PFKFB4: variants seen among roughly 807,000 people sequenced by gnomAD.
PFKFB4 encodes the protein 6-phosphofructo-2-kinase/fructose-2,6-biphosphatase 4, also known as 6-phosphofructo-2-kinase/fructose-2,6-bisphosphatase 4.
PFKFB4 carries 42 observed loss-of-function variants against 62.8 expected under a neutral mutation model. The observed-to-expected ratio is 0.67, with a 90% CI of 0.52 to 0.86. The LOEUF (loss-of-function observed/expected upper bound fraction) is 0.86. Among genes scored for constraint, PFKFB4 ranks in the 40% least tolerant of loss-of-function variants. The probability of loss-of-function intolerance (pLI) is 0.00; values close to 1 mark genes in which losing one functional copy is unlikely to be tolerated. For synonymous variants in PFKFB4, 204 were observed against 240.7 expected (o/e 0.85, Z 1.41); for missense variants, 475 against 627.2 (o/e 0.76, Z 2.59).
chr3:48,548,972 G>A (rs1484754677), intron 3 of PFKFB4, among the ~76,000 whole-genome samples: 2 of 152,266 alleles, frequency 1.3e-5, no homozygotes, highest in East Asian at 3.9e-4. Context: ...TGGCAGCCTG[G>A]TAGCCACTGG....
At chr3:48,532,055 C>T (rs2042444408) in intron 9 of PFKFB4, among the ~76,000 whole-genome samples, 1 of 152,184 alleles carries the variant, frequency 6.6e-6, no homozygotes. Flanking sequence ...GCCTGTAATC[C>T]CAGCACTCTG....
intron 3 of PFKFB4, 72 bp from the exon 4 acceptor site, chr3:48,543,718 A>G (rs564523491): frequency 3.6e-6 from 4 of 1,119,116 alleles, no homozygotes; most frequent in African/African-American, 3.0e-5. Flanking sequence ...GGGACACACA[A>G]CAGGAGGAGA....
At position 48,535,569 on chromosome 3, in the gene PFKFB4, C is replaced by T. The variant is rs368840572; in HGVS notation, c.930G>A (p.Thr310=). 9.3e-6 allele frequency: 15 copies of T among 1,614,110 alleles called. No individual in the cohort carries two copies. Among genetic ancestry groups the T allele is most frequent in the Non-Finnish European group, 1.2e-5 (14 of 1,179,998 alleles). Residue 310 remains threonine, a synonymous_variant, in exon 9 of 14, where the codon ACG becomes ACA. Transcript: ENST00000232375. ...CATAGGGCACACCCAGTGCCTCAGC[C>T]GTCTGGATTGTCCTCTTCATCTGGC... ...WTSQMKRTIQ[T]AEALGVPYEQ... is the part of the protein sequence containing the mutation.
In PFKFB4 at chr3:48,517,755, T is replaced by A. The variant is rs2041964573; in HGVS notation, c.*1992A>T. 1 of 152,678 alleles carries A rather than the reference T, an allele frequency of 6.5e-6. No homozygotes were observed. The highest frequency in any genetic ancestry group is 1.5e-5 in the Non-Finnish European group (1 of 68,056). 9.5% of individuals were successfully genotyped at this position (152,678 alleles called of 1,614,324 possible). The stretch of plus-strand genomic sequence containing the variant: ...TGCATGTGGCTGAGATTCAATACCA[T>A]CCATTCTGGGGAACTCGGGAAAATA... On this transcript the variant is annotated 3_prime_UTR_variant, in exon 14 of 14. Transcript: ENST00000232375.
At chr3:48,561,084 A>T (rs924656947), upstream of PFKFB4, 5 of 1,283,160 alleles carry the variant, frequency 3.9e-6, no homozygotes, top group Non-Finnish European at 5.1e-6. This position sits in a 1 kb window ranked among gnomAD's most constrained non-coding sequence, Gnocchi z 5.2. Context: ...CAGGTCGGTC[A>T]GGGAGCTGCC....
At chr3:48,528,389 C>T (rs748780649) in intron 9 of PFKFB4, among the ~76,000 whole-genome samples, 2 of 152,140 alleles carry the variant, frequency 1.3e-5, no homozygotes, top group Non-Finnish European at 2.9e-5. Context: ...ATGCCGGATG[C>T]GGTGGCTCAT....
chr3:48,561,055 G>A (rs1314350767), upstream of PFKFB4: 9 of 1,276,294 alleles, frequency 7.1e-6, no homozygotes, highest in East Asian at 1.2e-4. This position sits in a 1 kb window ranked among gnomAD's most constrained non-coding sequence, Gnocchi z 5.2. Flanking sequence ...TGCCTACCCC[G>A]CCTGCTGCTC....
chr3:48,521,923 G>T lies in PFKFB4; in HGVS notation c.1350+63C>A. ...GCAGCTGGGCCTGGCCCTGGAGGAT[G>T]TGCAGTCTGGACACCCCCACATCAG... On this transcript the variant is annotated intron_variant, in intron 13 of 13. Transcript: ENST00000232375. The surrounding 1 kb of genome is among the most constrained non-coding windows in gnomAD (Gnocchi z 5.3). 1 of 1,351,610 alleles carries T rather than the reference G, an allele frequency of 7.4e-7. No individual in the cohort carries two copies. Among genetic ancestry groups the T allele is most frequent in the Non-Finnish European group, 1.1e-6 (1 of 940,138 alleles). The allele number at this position is 1,351,610 out of a possible 1,614,324, so 83.7% of individuals were successfully genotyped here. A position where few individuals can be genotyped will look rare whatever the true frequency, so the allele number is the denominator to read the frequency against.
chr3:48,539,680 A>T lies in PFKFB4; in HGVS notation c.453+17T>A, dbSNP rs2042741433. 1 of 1,600,298 alleles carries T rather than the reference A, an allele frequency of 6.2e-7. No individual in the cohort carries two copies. Among genetic ancestry groups the T allele is most frequent in the Non-Finnish European group, 8.6e-7 (1 of 1,167,588 alleles). On this transcript the variant is annotated intron_variant, in intron 5 of 13. Coordinates refer to ENST00000232375, the MANE Select transcript of PFKFB4 (RefSeq NM_004567.4). Reference sequence around the variant, plus strand: ...ATGCCACAGTTCCGCCAAGGAGAGGAGCCAAGGAGGCCTCACCTTGTAGCC... The same window carrying T: ...ATGCCACAGTTCCGCCAAGGAGAGGTGCCAAGGAGGCCTCACCTTGTAGCC...
At chr3:48,548,620 G>A (rs1321277650) in intron 3 of PFKFB4, 1 of 152,192 alleles carries the variant, frequency 6.6e-6, no homozygotes, top group East Asian at 1.9e-4. Flanking sequence ...TTGCTATTTT[G>A]TGCGAGACTC....
chr3:48,520,782 G>A (rs1344065614), intron 13 of PFKFB4, among the ~76,000 whole-genome samples: 1 of 152,178 alleles, frequency 6.6e-6, no homozygotes, highest in Non-Finnish European at 1.5e-5. Flanking sequence ...CAGAATGACC[G>A]CCAGCCACAC....
chr3:48,559,898 CCACACACACACA>C (rs34826551), upstream of PFKFB4: 6,496 of 191,696 alleles, frequency 0.034, 169 homozygotes, highest in Non-Finnish European at 0.046. Context: ...AACCATCCCA[CCACACACACACA>C]CACACACACA....
rs71074260 is a variant in PFKFB4, at chr3:48,551,519, CTTTTTTTTT to C, written c.98-1294_98-1286del. On this transcript the variant is annotated intron_variant, in intron 1 of 13. Transcript: ENST00000232375. ...GGTGTGAGCCATCACCTCCAGCCTT[CTTTTTTTTT>C]TTTTTTTTTTTTTTTTTTTTTTTTG... Among the ~76,000 whole-genome samples the C allele has an allele frequency of 6.9e-4, 20 of 29,118 alleles. 1 individual carries two copies. Among genetic ancestry groups the C allele is most frequent in the South Asian group, 3.5e-3 (2 of 576 alleles). 19.1% of individuals were successfully genotyped at this position (29,118 alleles called of 152,430 possible). A position where few individuals can be genotyped will look rare whatever the true frequency, so the allele number is the denominator to read the frequency against.
intron 9 of PFKFB4, among the ~76,000 whole-genome samples, chr3:48,528,910 G>T (rs1306304680): frequency 2.0e-5 from 3 of 152,350 alleles, no homozygotes; most frequent in African/African-American, 7.2e-5. Flanking sequence ...GAAATGGGAA[G>T]TGACTGTTGA....
chr3:48,557,056 A>C, upstream of PFKFB4: 1 of 1,032,648 alleles, frequency 9.7e-7, no homozygotes, highest in Non-Finnish European at 1.3e-6. Context: ...TCAACTCCGG[A>C]TTGTACTGGT....
In PFKFB4 at chr3:48,521,922, T is replaced by G; in HGVS notation, c.1350+64A>C. The stretch of plus-strand genomic sequence containing the variant: ...CGCAGCTGGGCCTGGCCCTGGAGGA[T>G]GTGCAGTCTGGACACCCCCACATCA... On this transcript the variant is annotated intron_variant, in intron 13 of 13. Transcript: ENST00000232375. This position sits in a 1 kb window ranked among gnomAD's most constrained non-coding sequence, Gnocchi z 5.3. The G allele has an allele frequency of 7.5e-7, 1 of 1,335,716 alleles. No homozygotes were observed. Among genetic ancestry groups the G allele is most frequent in the Non-Finnish European group, 1.1e-6 (1 of 925,698 alleles). The allele number at this position is 1,335,716 out of a possible 1,614,324, so 82.7% of individuals were successfully genotyped here.
intron 1 of PFKFB4, among the ~76,000 whole-genome samples, chr3:48,551,552 T>A (rs866816845): frequency 2.6e-3 from 189 of 71,524 alleles, no homozygotes; most frequent in African/African-American, 9.5e-3. Flanking sequence ...TTTTTTTTTT[T>A]GAGAGGGAGT....
At chr3:48,545,004 G>T (rs1415701491) in intron 3 of PFKFB4, among the ~76,000 whole-genome samples, 1 of 151,822 alleles carries the variant, frequency 6.6e-6, no homozygotes, top group African/African-American at 2.4e-5. Context: ...GATTACAGGC[G>T]CGAGCCACTG....
chr3:48,543,651 A>G lies in PFKFB4; in HGVS notation c.312-5T>C, dbSNP rs749881083. On this transcript the variant is annotated splice_polypyrimidine_tract_variant and splice_region_variant and intron_variant, in intron 3 of 13. Coordinates refer to ENST00000232375, the MANE Select transcript of PFKFB4 (RefSeq NM_004567.4). ...AGGGCTGCCAGGGCACACTGCCTTC[A>G]GGAGAGAAAACACAGGGTCAGCCCA... 9.9e-6 allele frequency: 16 copies of G among 1,609,768 alleles called. No homozygotes were observed. In the East Asian group the frequency reaches 1.8e-4, roughly 18 times the overall value.
Sources: allele counts gnomAD v4.1 joint callset (sites outside exome capture counted in the v4.1 genomes callset), GRCh38; gene constraint gnomAD v4.1.1; non-coding constraint Gnocchi (gnomAD v3.1); transcripts MANE v1.5; gene names NCBI Gene and HGNC (gene_info 2026-07-23, HGNC 2026-07-21).